DAW1: variants seen among roughly 807,000 people sequenced by gnomAD.
DAW1 encodes dynein assembly factor with WD repeats 1.
Under a neutral mutation model 56.5 loss-of-function variants are expected in DAW1, and 47 were observed. The ratio of observed to expected loss-of-function variants is 0.83; its 90% CI spans 0.66 to 1.06. The LOEUF is 1.06. Among genes scored for constraint, DAW1 ranks in the 50% least tolerant of loss-of-function variants. The pLI is 0.00. For missense variants in DAW1, 505 were observed against 499.3 expected (o/e 1.01, Z -0.11); for synonymous variants, 190 against 179.0 (o/e 1.06, Z -0.49).
chr2:227,898,522 G>A (rs1466580792), intron 6 of DAW1, among the ~76,000 whole-genome samples: 1 of 151,940 alleles, frequency 6.6e-6, no homozygotes, highest in East Asian at 1.9e-4. Context: ...GGGTTTCACT[G>A]TATTAGCCAG....
At chr2:227,905,072 T>C (rs1691647548) in intron 8 of DAW1, 37 bp downstream of exon 8, 1 of 1,559,730 alleles carries the variant, frequency 6.4e-7, no homozygotes, top group East Asian at 2.3e-5. Flanking sequence ...TTAACCTGGA[T>C]CAGGGGGTTC....
rs556859504 is a variant in DAW1, at chr2:227,901,810, A to G, written c.541-1192A>G. On this transcript the variant is annotated intron_variant, in intron 6 of 12. Transcript: ENST00000309931. ...AGGAAGAAGAGTTGCTAAGAGGGGT[A>G]CATAAGATCAAGGGAGGATTTACTC... Among the ~76,000 whole-genome samples the G allele has an allele frequency of 6.6e-5, 10 of 152,312 alleles. No homozygotes were observed. The East Asian group carries it at 1.7e-3, about 26-fold the overall frequency.
chr2:227,900,168 AAGG>A (rs1315048230), intron 6 of DAW1, among the ~76,000 whole-genome samples: 1 of 152,172 alleles, frequency 6.6e-6, no homozygotes, highest in Non-Finnish European at 1.5e-5. Context: ...CCCTAAGAGG[AAGG>A]TATTTTCCCA....
intron 10 of DAW1, among the ~76,000 whole-genome samples, chr2:227,911,223 C>A (rs1401934565): frequency 2.2e-5 from 1 of 45,756 alleles, no homozygotes; most frequent in East Asian, 4.3e-4. Flanking sequence ...TATATACATA[C>A]ATATGTGTAT....
intron 1 of DAW1, 76 bp from the exon 2 acceptor site, chr2:227,885,275 C>A: frequency 9.8e-7 from 1 of 1,021,904 alleles, no homozygotes; most frequent in Non-Finnish European, 1.4e-6. Flanking sequence ...ATGGAAAAAA[C>A]TGTGGCAAGG....
chr2:227,882,607 T>C (rs1199511546), intron 1 of DAW1, among the ~76,000 whole-genome samples: 4 of 152,240 alleles, frequency 2.6e-5, no homozygotes, highest in African/African-American at 7.2e-5. Flanking sequence ...TACAGTGAAG[T>C]CTGATAGTTG....
intron 7 of DAW1, among the ~76,000 whole-genome samples, chr2:227,903,818 A>T (rs1691613143): frequency 6.6e-6 from 1 of 152,114 alleles, no homozygotes; most frequent in Admixed American, 6.6e-5. Flanking sequence ...GTACATTTTT[A>T]AAAACATGAT....
At chr2:227,895,270 C>T (rs559334260) in intron 5 of DAW1, among the ~76,000 whole-genome samples, 6 of 152,282 alleles carry the variant, frequency 3.9e-5, no homozygotes, top group Admixed American at 1.3e-4. Flanking sequence ...ACAGTGGCCT[C>T]TTGTGAAAAG....
intron 5 of DAW1, among the ~76,000 whole-genome samples, chr2:227,897,408 G>T (rs1434857154): frequency 1.3e-5 from 2 of 152,146 alleles, no homozygotes; most frequent in African/African-American, 4.8e-5. Flanking sequence ...TCTGCTTTAG[G>T]ATATATGTGT....
chr2:227,921,086 G>A (rs1462248555), intron 11 of DAW1, among the ~76,000 whole-genome samples: 1 of 152,128 alleles, frequency 6.6e-6, no homozygotes, highest in Non-Finnish European at 1.5e-5. Flanking sequence ...CACAGAGAAG[G>A]GCATCGTGCA....
chr2:227,898,017 C>G (rs529130483), intron 5 of DAW1, among the ~76,000 whole-genome samples, 165 bp from the exon 6 acceptor site: 241 of 152,090 alleles, frequency 1.6e-3, no homozygotes, highest in African/African-American at 5.7e-3. Context: ...CGATACCACT[C>G]AAAAATTAGA....
chr2:227,887,305 T>C (rs191104972), intron 2 of DAW1, among the ~76,000 whole-genome samples: 26 of 152,386 alleles, frequency 1.7e-4, no homozygotes, highest in African/African-American at 6.0e-4. Context: ...GTGATTTTTG[T>C]AAATGGAACA....
intron 7 of DAW1, among the ~76,000 whole-genome samples, chr2:227,904,514 A>T (rs1454030881): frequency 6.6e-6 from 1 of 152,130 alleles, no homozygotes; most frequent in Non-Finnish European, 1.5e-5. Context: ...GTTTTATTTC[A>T]TACACTGTTT....
At chr2:227,903,454 T>C (rs754009130) in intron 7 of DAW1, among the ~76,000 whole-genome samples, 20 of 152,212 alleles carry the variant, frequency 1.3e-4, no homozygotes, top group Non-Finnish European at 2.9e-4. Context: ...GAGCAATGAC[T>C]GTGAGCACAC....
intron 1 of DAW1, among the ~76,000 whole-genome samples, chr2:227,884,006 A>G (rs1312201364): frequency 6.6e-6 from 1 of 152,198 alleles, no homozygotes; most frequent in African/African-American, 2.4e-5. Flanking sequence ...TTATATCCAC[A>G]GGCAGAGGCA....
At chr2:227,899,657 C>A (rs961325578) in intron 6 of DAW1, among the ~76,000 whole-genome samples, 1 of 152,120 alleles carries the variant, frequency 6.6e-6, no homozygotes, top group Non-Finnish European at 1.5e-5. Context: ...AAAAAAGATA[C>A]CTGCTGTGAA....
At chr2:227,881,935 A>G (rs1007275873) in intron 1 of DAW1, among the ~76,000 whole-genome samples, 5 of 151,818 alleles carry the variant, frequency 3.3e-5, no homozygotes, top group African/African-American at 1.2e-4. Context: ...TATTTTTATT[A>G]GAGACGGTGT....
chr2:227,882,502 A>C (rs1250129209), intron 1 of DAW1, among the ~76,000 whole-genome samples: 1 of 152,244 alleles, frequency 6.6e-6, no homozygotes, highest in African/African-American at 2.4e-5. Flanking sequence ...GAAGCAGTAA[A>C]AATTATTAAT....
At chr2:227,921,618 C>T in intron 12 of DAW1, 57 bp downstream of exon 12, 2 of 1,553,220 alleles carry the variant, frequency 1.3e-6, no homozygotes, top group Non-Finnish European at 1.8e-6. Context: ...GTTAGAGTTC[C>T]CAAGCTGAAT....
Sources: gnomAD v4.1 joint callset for allele counts (sites outside exome capture counted in the v4.1 genomes callset) on GRCh38, gnomAD v4.1.1 for gene constraint, MANE v1.5 for transcripts, NCBI Gene and HGNC (gene_info 2026-07-23, HGNC 2026-07-21) for gene names.